Variants in CAMKMT observed in about 807,000 individuals in gnomAD.
The protein encoded by CAMKMT is CaM KMT.
In CAMKMT, 53 loss-of-function variants were observed where a neutral mutation model predicts 48.0. The ratio of observed to expected loss-of-function variants is 1.10; its 90% CI spans 0.89 to 1.39. The LOEUF (loss-of-function observed/expected upper bound fraction) is 1.39. Ranked by LOEUF, CAMKMT falls within the 40% of genes most tolerant of loss-of-function variation. The probability of loss-of-function intolerance (pLI) is 0.00; values close to 1 mark genes in which losing one functional copy is unlikely to be tolerated. For missense variants in CAMKMT, 428 were observed against 402.7 expected (o/e 1.06, Z -0.54); for synonymous variants, 165 against 152.3 (o/e 1.08, Z -0.61).
intron 3 of CAMKMT, among the ~76,000 whole-genome samples, chr2:44,526,164 C>T (rs1671394906): frequency 6.6e-6 from 1 of 152,168 alleles, no homozygotes. Flanking sequence ...CCCAAGATTT[C>T]TTAAGCAATA....
chr2:44,477,813 T>C (rs1668764693), intron 3 of CAMKMT, among the ~76,000 whole-genome samples: 1 of 152,236 alleles, frequency 6.6e-6, no homozygotes, highest in Non-Finnish European at 1.5e-5. Context: ...AATTCAGGAC[T>C]ATTAGCATAT....
chr2:44,644,016 A>G (rs1406484369), intron 3 of CAMKMT, among the ~76,000 whole-genome samples: 1 of 152,218 alleles, frequency 6.6e-6, no homozygotes, highest in Non-Finnish European at 1.5e-5. Flanking sequence ...AAAAGACAGT[A>G]TCTTCATATT....
Position 44,672,414 on chromosome 2 carries a change from T to C in CAMKMT, c.377-31869T>C, listed in dbSNP as rs549822506. Among the ~76,000 whole-genome samples the C allele has an allele frequency of 2.6e-5, 4 of 151,040 alleles. No homozygotes were observed. In the South Asian group the frequency reaches 6.3e-4, roughly 24 times the overall value. The stretch of plus-strand genomic sequence containing the variant: ...CTAAAATAGTAAATAATTTTGTGGG[T>C]TTTTTTTTCAGCTGCTCTTCATTTG... On this transcript the variant is annotated intron_variant, in intron 3 of 10. Transcript: ENST00000378494.
chr2:44,372,915 G>C (rs2104359542), intron 2 of CAMKMT, 27 bp downstream of exon 2: 1 of 1,557,692 alleles, frequency 6.4e-7, no homozygotes, highest in Middle Eastern at 1.7e-4. Context: ...TTAAGATTTT[G>C]TAAACACTAG....
At chr2:44,762,089 G>C (rs1005408638) in intron 9 of CAMKMT, among the ~76,000 whole-genome samples, 1 of 152,164 alleles carries the variant, frequency 6.6e-6, no homozygotes, top group Non-Finnish European at 1.5e-5. Context: ...GAGGACCACT[G>C]ACAATTAAAA....
At chr2:44,457,814 A>G (rs1667647501) in intron 3 of CAMKMT, among the ~76,000 whole-genome samples, 1 of 152,142 alleles carries the variant, frequency 6.6e-6, no homozygotes, top group African/African-American at 2.4e-5. Flanking sequence ...CTTCTTTTGG[A>G]AATTCTCAAC....
intron 3 of CAMKMT, among the ~76,000 whole-genome samples, chr2:44,700,918 G>C (rs1050243018): frequency 5.9e-5 from 9 of 152,158 alleles, no homozygotes; most frequent in Non-Finnish European, 1.2e-4. Flanking sequence ...GCAATAAAAT[G>C]GAGTATTGCC....
chr2:44,720,799 A>G (rs565797998), intron 7 of CAMKMT, among the ~76,000 whole-genome samples: 25 of 152,186 alleles, frequency 1.6e-4, no homozygotes, highest in Non-Finnish European at 2.8e-4. Context: ...TTTCATATTT[A>G]CTAAGACTTG....
At chr2:44,539,986 A>G (rs1445965988) in intron 3 of CAMKMT, among the ~76,000 whole-genome samples, 1 of 152,110 alleles carries the variant, frequency 6.6e-6, no homozygotes, top group Non-Finnish European at 1.5e-5. Flanking sequence ...CTTTGAAACT[A>G]TTGAAACATA....
At chr2:44,707,298 G>A (rs1267146360) in intron 5 of CAMKMT, 101 bp from the exon 6 acceptor site, 1 of 903,640 alleles carries the variant, frequency 1.1e-6, no homozygotes, top group African/African-American at 1.7e-5. Context: ...CAGAGAAATA[G>A]GTGAGGAAGC....
At chr2:44,706,016 G>C (rs1558807846) in intron 4 of CAMKMT, among the ~76,000 whole-genome samples, 2 of 152,092 alleles carry the variant, frequency 1.3e-5, no homozygotes. Context: ...GGAAAAAAAG[G>C]GAACCTTCTC....
At chr2:44,415,161 A>G (rs1683469152) in intron 3 of CAMKMT, among the ~76,000 whole-genome samples, 1 of 152,162 alleles carries the variant, frequency 6.6e-6, no homozygotes, top group Non-Finnish European at 1.5e-5. Context: ...GAAAAAAGAA[A>G]AAAAATTCTG....
At chr2:44,538,213 C>T (rs567212458) in intron 3 of CAMKMT, among the ~76,000 whole-genome samples, 1 of 151,828 alleles carries the variant, frequency 6.6e-6, no homozygotes, top group Admixed American at 6.6e-5. Flanking sequence ...ACTAAAAATA[C>T]AAAAATTTAG....
intron 7 of CAMKMT, among the ~76,000 whole-genome samples, chr2:44,718,641 G>A (rs1035741519): frequency 6.6e-6 from 1 of 152,128 alleles, no homozygotes; most frequent in Non-Finnish European, 1.5e-5. Flanking sequence ...AGCTTTTGAC[G>A]TCTACGTATT....
chr2:44,658,439 CT>C (rs1674496716), intron 3 of CAMKMT, among the ~76,000 whole-genome samples: 2 of 152,132 alleles, frequency 1.3e-5, no homozygotes, highest in South Asian at 4.1e-4. Context: ...GGCTAATTGG[CT>C]GGAGAGTAGA....
chr2:44,710,645 T>G (rs1202592939), intron 6 of CAMKMT, among the ~76,000 whole-genome samples: 33 of 152,038 alleles, frequency 2.2e-4, no homozygotes, highest in Non-Finnish European at 4.4e-5. Context: ...GCCCCTTTAG[T>G]GTCAAGAAAG....
At chr2:44,470,998 T>C (rs981135933) in intron 3 of CAMKMT, among the ~76,000 whole-genome samples, 16 of 143,004 alleles carry the variant, frequency 1.1e-4, no homozygotes, top group East Asian at 8.4e-4. Context: ...CTCTCTCTTT[T>C]TTTTTTTTTT....
intron 3 of CAMKMT, among the ~76,000 whole-genome samples, chr2:44,557,520 T>C (rs915845948): frequency 6.6e-6 from 1 of 152,220 alleles, no homozygotes; most frequent in Non-Finnish European, 1.5e-5. Flanking sequence ...CATCTTGACC[T>C]GAGGGAATGT....
chr2:44,511,910 C>G (rs1670579656), intron 3 of CAMKMT, among the ~76,000 whole-genome samples: 2 of 152,192 alleles, frequency 1.3e-5, no homozygotes, highest in Admixed American at 1.3e-4. Flanking sequence ...TGCCCACCCC[C>G]CATCTTCTAA....
Sources: allele counts gnomAD v4.1 joint callset (sites outside exome capture counted in the v4.1 genomes callset), GRCh38; gene constraint gnomAD v4.1.1; transcripts MANE v1.5; gene names NCBI Gene and HGNC (gene_info 2026-07-23, HGNC 2026-07-21).